TSHZ2: variants seen among roughly 807,000 people sequenced by gnomAD.
TSHZ2 encodes teashirt zinc finger homeobox 2.
TSHZ2 carries 21 observed loss-of-function variants against 74.4 expected under a neutral mutation model. That is an observed-to-expected ratio of 0.28 (90% CI 0.20 to 0.41). TSHZ2 has a LOEUF of 0.41. Ranked by LOEUF, TSHZ2 falls within the 10% of genes least tolerant of loss-of-function variation. The pLI, the probability that TSHZ2 is intolerant of heterozygous loss-of-function variation, is 1.00. For missense variants in TSHZ2, 1,244 were observed against 1,293.5 expected (o/e 0.96, Z 0.59); for synonymous variants, 540 against 515.3 (o/e 1.05, Z -0.65).
intron 2 of TSHZ2, among the ~76,000 whole-genome samples, chr20:53,340,169 TTTTCTTTCTTTTTTC>T (rs1980125457): frequency 1.0e-5 from 1 of 96,570 alleles, no homozygotes; most frequent in Non-Finnish European, 2.0e-5. Flanking sequence ...ACAAGGTGAC[TTTTCTTTCTTTTTTC>T]TTTTTTTTTT....
intron 2 of TSHZ2, among the ~76,000 whole-genome samples, chr20:53,466,895 C>T (rs748763172): frequency 6.6e-6 from 1 of 152,136 alleles, no homozygotes; most frequent in Admixed American, 6.5e-5. Context: ...GAGCAATGTG[C>T]CTTTGGAAGA....
chr20:53,464,588 A>C (rs1373105152), intron 2 of TSHZ2, among the ~76,000 whole-genome samples: 1 of 152,142 alleles, frequency 6.6e-6, no homozygotes, highest in Non-Finnish European at 1.5e-5. Flanking sequence ...CAGCCTCCCA[A>C]GTAGCTGGAA....
intron 1 of TSHZ2, among the ~76,000 whole-genome samples, chr20:53,175,244 C>G (rs1042904814): frequency 6.9e-6 from 1 of 144,968 alleles, no homozygotes; most frequent in African/African-American, 2.6e-5. Context: ...CAGGTTAAAG[C>G]AATTGCCTGC....
chr20:53,280,934 C>T lies in TSHZ2; in HGVS notation c.*8+24363C>T, dbSNP rs190593322. ...GTCTCGATCTCCTGACCTCGTGATC[C>T]GCCCACTCATCCTCCCAAAATGCTG... On this transcript the variant is annotated intron_variant, in intron 2 of 2. Coordinates refer to ENST00000371497, the MANE Select transcript of TSHZ2 (RefSeq NM_173485.6). 1.4e-3 allele frequency among the ~76,000 whole-genome samples: 216 copies of T among 152,216 alleles called. 2 individuals carry two copies. Among genetic ancestry groups the T allele is most frequent in the African/African-American group, 5.1e-3 (211 of 41,544 alleles).
intron 1 of TSHZ2, among the ~76,000 whole-genome samples, chr20:52,995,303 A>G (rs1317306146): frequency 6.6e-6 from 1 of 152,158 alleles, no homozygotes; most frequent in East Asian, 1.9e-4. Flanking sequence ...ACCTACCATC[A>G]TCGTCCATCT....
chr20:53,004,557 G>A (rs1982568681), intron 1 of TSHZ2, among the ~76,000 whole-genome samples: 1 of 152,172 alleles, frequency 6.6e-6, no homozygotes, highest in Non-Finnish European at 1.5e-5. Context: ...ACGCTTAGCA[G>A]TCCAGACCTG....
intron 1 of TSHZ2, among the ~76,000 whole-genome samples, chr20:53,108,859 GTGTCCCTGGTTCGCCAACAATT>G: frequency 6.6e-6 from 1 of 152,246 alleles, no homozygotes; most frequent in East Asian, 1.9e-4. Context: ...TCTACCTTCA[GTGTCCCTGGTTCGCCAACAATT>G]TCATACCATT....
At chr20:53,423,930 C>CTAGA (rs1983570593) in intron 2 of TSHZ2, among the ~76,000 whole-genome samples, 1 of 152,200 alleles carries the variant, frequency 6.6e-6, no homozygotes, top group Admixed American at 6.5e-5. Flanking sequence ...CGCCTACAGA[C>CTAGA]TAGAGTCCAG....
intron 1 of TSHZ2, among the ~76,000 whole-genome samples, chr20:52,985,723 G>A (rs1452463155): frequency 6.6e-6 from 1 of 152,170 alleles, no homozygotes; most frequent in African/African-American, 2.4e-5. Context: ...AGTGAATGAT[G>A]GTGACATGGT....
chr20:53,061,665 T>C (rs1984827469), intron 1 of TSHZ2, among the ~76,000 whole-genome samples: 1 of 152,206 alleles, frequency 6.6e-6, no homozygotes, highest in African/African-American at 2.4e-5. Context: ...TATTCTGTTT[T>C]TGTGAACTCA....
At chr20:53,413,368 T>G (rs1983121087) in intron 2 of TSHZ2, among the ~76,000 whole-genome samples, 1 of 152,216 alleles carries the variant, frequency 6.6e-6, no homozygotes, top group African/African-American at 2.4e-5. Context: ...GGTGCTGGAC[T>G]TAGAAATCCT....
intron 2 of TSHZ2, among the ~76,000 whole-genome samples, chr20:53,386,943 T>A (rs933121478): frequency 1.3e-5 from 2 of 152,042 alleles, no homozygotes; most frequent in Non-Finnish European, 2.9e-5. Context: ...CTTTTATATA[T>A]GAAAGGGATA....
intron 2 of TSHZ2, among the ~76,000 whole-genome samples, chr20:53,297,969 T>C (rs544090888): frequency 6.6e-6 from 1 of 152,320 alleles, no homozygotes; most frequent in South Asian, 2.1e-4. Flanking sequence ...AAACTTATTC[T>C]CTCCTTTCCA....
chr20:53,050,016 C>T (rs775164932), intron 1 of TSHZ2, among the ~76,000 whole-genome samples: 4 of 149,270 alleles, frequency 2.7e-5, no homozygotes, highest in Non-Finnish European at 5.9e-5. Context: ...TGGAGGCGGA[C>T]GTTGCAGTGA....
chr20:53,360,971 G>T (rs1015082332), intron 2 of TSHZ2, among the ~76,000 whole-genome samples: 11 of 152,124 alleles, frequency 7.2e-5, no homozygotes, highest in Non-Finnish European at 7.4e-5. Context: ...TTCTCCCTCT[G>T]GGGGGCTAGT....
At chr20:53,200,595 T>C (rs1988979679) in intron 1 of TSHZ2, among the ~76,000 whole-genome samples, 1 of 152,216 alleles carries the variant, frequency 6.6e-6, no homozygotes, top group African/African-American at 2.4e-5. Context: ...ATGAGGATGT[T>C]CTGTAAGACT....
chr20:53,294,999 C>T (rs1479245871), intron 2 of TSHZ2, among the ~76,000 whole-genome samples: 1 of 152,210 alleles, frequency 6.6e-6, no homozygotes, highest in Non-Finnish European at 1.5e-5. Context: ...TTGGTCCTCC[C>T]TGTGATCTTA....
intron 2 of TSHZ2, among the ~76,000 whole-genome samples, chr20:53,392,855 GAC>G (rs1035669599): frequency 1.3e-5 from 2 of 151,802 alleles, no homozygotes. Context: ...TTTTTCTTGA[GAC>G]AGAGTTTTGC....
At chr20:52,982,934 T>G (rs956782999) in intron 1 of TSHZ2, among the ~76,000 whole-genome samples, 2 of 152,190 alleles carry the variant, frequency 1.3e-5, no homozygotes, top group African/African-American at 4.8e-5. Flanking sequence ...TGATTGGTTA[T>G]TAGTTGAACA....
Sources: allele counts gnomAD v4.1 joint callset (sites outside exome capture counted in the v4.1 genomes callset), GRCh38; gene constraint gnomAD v4.1.1; transcripts MANE v1.5; gene names NCBI Gene and HGNC (gene_info 2026-07-23, HGNC 2026-07-21).